Variants in MYH8 observed in about 807,000 individuals in gnomAD.
The protein encoded by MYH8 is myosin heavy chain 8.
In MYH8, 168 loss-of-function variants were observed where a neutral mutation model predicts 233.2. The observed-to-expected ratio is 0.72, with a 90% CI of 0.64 to 0.82. The LOEUF is 0.82. Among genes scored for constraint, MYH8 ranks in the 40% least tolerant of loss-of-function variants. MYH8 has a pLI of 0.00. For missense variants in MYH8, 1,995 were observed against 2,327.8 expected, an observed-to-expected ratio of 0.86 and a Z score of 2.94; for synonymous variants, 785 against 850.6, an observed-to-expected ratio of 0.92 and a Z score of 1.34.
chr17:10,406,747 A>G lies in MYH8; in HGVS notation c.2114T>C (p.Ile705Thr), dbSNP rs770992448. The G allele has an allele frequency of 2.5e-6, 4 of 1,614,190 alleles. No individual in the cohort carries two copies. In the African/African-American group the frequency reaches 4.0e-5, roughly 16 times the overall value. ...QLRCNGVLEGIRICRKGFPSR... is the reference protein window; with the variant it reads ...QLRCNGVLEGTRICRKGFPSR... ...TGGGAATCCTTTCCTACAGATGCGG[A>G]TGCCTTCCAGCACACCATTACACCT... The change falls in exon 19 of 40, where the codon ATC becomes ACC. Residue 705 changes from isoleucine (I) to threonine (T), a missense_variant. Ile to Thr is a moderately conservative substitution (Grantham distance 89, BLOSUM62 -1). Coordinates refer to ENST00000403437, the MANE Select transcript of MYH8 (RefSeq NM_002472.3).
intron 30 of MYH8, 146 bp from the exon 31 acceptor site, chr17:10,397,132 G>A (rs572785257): frequency 2.0e-5 from 20 of 986,604 alleles, no homozygotes; most frequent in South Asian, 4.7e-5. Flanking sequence ...CGCCCATGCT[G>A]GAGTGCAGTG....
chr17:10,408,781 G>A (rs753436626), intron 17 of MYH8, among the ~76,000 whole-genome samples: 72 of 152,168 alleles, frequency 4.7e-4, no homozygotes, highest in African/African-American at 1.6e-3. Flanking sequence ...CATTCAAAGC[G>A]GAATAAGAAT....
At chr17:10,393,344 G>C in intron 35 of MYH8, 134 bp from the exon 36 acceptor site, 1 of 1,264,092 alleles carries the variant, frequency 7.9e-7, no homozygotes, top group Non-Finnish European at 1.1e-6. Flanking sequence ...TTGTTCAGTG[G>C]AAAATGTTAA....
chr17:10,412,044 C>T (rs1179870818), intron 14 of MYH8, among the ~76,000 whole-genome samples: 2 of 152,068 alleles, frequency 1.3e-5, no homozygotes, highest in African/African-American at 2.4e-5. Flanking sequence ...GTCTTATGCA[C>T]CTGTGGGATC....
intron 27 of MYH8, among the ~76,000 whole-genome samples, chr17:10,399,929 C>A (rs2072120478): frequency 6.6e-6 from 1 of 152,158 alleles, no homozygotes; most frequent in African/African-American, 2.4e-5. Context: ...ATAGGCCGGG[C>A]GCGGTGGCTC....
At chr17:10,406,560 A>G in intron 19 of MYH8, 130 bp downstream of exon 19, 1 of 1,350,214 alleles carries the variant, frequency 7.4e-7, no homozygotes, top group Non-Finnish European at 1.1e-6. Context: ...TTTCTGTTGC[A>G]TGCCTGCTTC....
At chr17:10,411,142 C>T (rs770535757) in intron 14 of MYH8, among the ~76,000 whole-genome samples, 195 bp from the exon 15 acceptor site, 6 of 151,984 alleles carry the variant, frequency 3.9e-5, no homozygotes, top group African/African-American at 7.3e-5. Flanking sequence ...TTTGGGAGGC[C>T]GCGGTGGGTG....
At position 10,396,676 on chromosome 17, in the gene MYH8, C is replaced by T. The variant is rs2072081650; in HGVS notation, c.4405G>A (p.Glu1469Lys). 1 of 1,614,088 alleles carries T rather than the reference C, an allele frequency of 6.2e-7. No homozygotes were observed. Among genetic ancestry groups the T allele is most frequent in the South Asian group, 1.1e-5 (1 of 91,090 alleles). The change falls in exon 32 of 40, where the codon GAA becomes AAA. Residue 1469 changes from glutamate (E) to lysine (K), a missense_variant. Physicochemically the swap from Glu to Lys is moderately conservative, Grantham distance 56 (BLOSUM62 1). This residue lies in a region of MYH8 where 1,498 missense variants were observed against 1,680.9 expected (regional missense o/e 0.89). Coordinates refer to ENST00000403437, the MANE Select transcript of MYH8 (RefSeq NM_002472.3). The surrounding 1 kb of genome is among the most constrained non-coding windows in gnomAD (Gnocchi z 4.2). ...WKQKYEETQA[E>K]LEASQKESRS... Reference sequence around the variant, plus strand: ...GACTCCTTCTGGGAGGCCTCAAGTTCAGCCTGAGTTTCCTCATACTTCTGC... The same window carrying T: ...GACTCCTTCTGGGAGGCCTCAAGTTTAGCCTGAGTTTCCTCATACTTCTGC...
At chr17:10,416,921 T>A (rs886807399) in intron 5 of MYH8, among the ~76,000 whole-genome samples, 1 of 152,224 alleles carries the variant, frequency 6.6e-6, no homozygotes, top group Non-Finnish European at 1.5e-5. Flanking sequence ...TAGAAATTGC[T>A]TAGGCCAACT....
Position 10,415,162 on chromosome 17 carries a change from G to T in MYH8, c.759C>A (p.Ile253=), listed in dbSNP as rs1257055929. The part of the protein sequence containing the change: ...NSSRFGKFIR[I]HFGTTGKLAS... ...CCAGCTTCCCTGTAGTACCAAAGTG[G>T]ATTCTAATGAATTTACCCTTGAAAA... Residue 253 remains isoleucine, a synonymous_variant, in exon 9 of 40, where the codon ATC becomes ATA. Coordinates refer to ENST00000403437, the MANE Select transcript of MYH8 (RefSeq NM_002472.3). The surrounding 1 kb of genome is among the most constrained non-coding windows in gnomAD (Gnocchi z 4.1). The T allele has an allele frequency of 1.2e-6, 2 of 1,613,024 alleles. No homozygotes were observed. Among genetic ancestry groups the T allele is most frequent in the Admixed American group, 1.7e-5 (1 of 60,002 alleles).
chr17:10,392,774 A>C (rs1433873619), intron 37 of MYH8, 57 bp downstream of exon 37: 1 of 1,614,006 alleles, frequency 6.2e-7, no homozygotes. Context: ...GGAAGAGAGA[A>C]GGGTAGAGAG....
rs765411689 is a variant in MYH8, at chr17:10,415,987, G to A, written c.512-279C>T. Among the ~76,000 whole-genome samples, 11 of 152,166 alleles carry A rather than the reference G, an allele frequency of 7.2e-5. No homozygotes were observed. The highest frequency in any genetic ancestry group is 1.5e-4 in the Non-Finnish European group (10 of 68,024). ...TTTACCATCTTAACCATTTTTAAGT[G>A]TAGAGATCACTGGCAGTAAGTACAT... On this transcript the variant is annotated intron_variant, in intron 5 of 39. Coordinates refer to ENST00000403437, the MANE Select transcript of MYH8 (RefSeq NM_002472.3). The surrounding 1 kb of genome is among the most constrained non-coding windows in gnomAD (Gnocchi z 4.1).
chr17:10,421,430 A>C (rs914799338), intron 2 of MYH8, among the ~76,000 whole-genome samples: 2 of 152,200 alleles, frequency 1.3e-5, no homozygotes, highest in Non-Finnish European at 2.9e-5. Flanking sequence ...CTCACTGTTG[A>C]AGCTAATTCT....
chr17:10,401,481 C>A, intron 23 of MYH8, 30 bp from the exon 24 acceptor site: 1 of 1,614,038 alleles, frequency 6.2e-7, no homozygotes, highest in African/African-American at 1.3e-5. Flanking sequence ...GATTATTTCT[C>A]CTATAAAGCA....
intron 9 of MYH8, among the ~76,000 whole-genome samples, chr17:10,414,773 T>C (rs1454086994): frequency 1.3e-5 from 2 of 152,178 alleles, no homozygotes; most frequent in African/African-American, 4.8e-5. Context: ...TCACTCTGGG[T>C]GGTGAGGGCC....
chr17:10,404,698 A>G, intron 21 of MYH8, 113 bp from the exon 22 acceptor site: 2 of 1,256,866 alleles, frequency 1.6e-6, no homozygotes, highest in Non-Finnish European at 2.3e-6. Context: ...TAAATATGTC[A>G]CATTCTCTAT....
In MYH8 at chr17:10,409,361, A is replaced by T. The variant is rs151091483; in HGVS notation, c.1815T>A (p.Asn605Lys). The change falls in exon 16 of 40, where the codon AAT becomes AAA. Residue 605 changes from asparagine (N) to lysine (K), a missense_variant. Around this residue, in one of 3 missense-constraint regions of MYH8, gnomAD observed 1,498 missense variants for 1,680.9 expected, o/e 0.89. Coordinates refer to ENST00000403437, the MANE Select transcript of MYH8 (RefSeq NM_002472.3). ...GWLDKNKDPL[N>K]DTVVGLYQKS... The stretch of plus-strand genomic sequence containing the variant: ...TCTGGTACAGCCCAACCACAGTATC[A>T]TTCAGGGGGTCCTTATTTTTGTCCA... The T allele has an allele frequency of 2.4e-4, 392 of 1,614,242 alleles. 3 individuals carry two copies. The East Asian group carries it at 8.0e-3, about 33-fold the overall frequency.
At chr17:10,398,923 A>G (rs2072105552) in intron 28 of MYH8, 37 bp from the exon 29 acceptor site, 1 of 1,498,438 alleles carries the variant, frequency 6.7e-7, no homozygotes, top group Non-Finnish European at 9.2e-7. Flanking sequence ...TTTTACTGGC[A>G]TAAAAATAAG....
chr17:10,393,274 G>A, intron 35 of MYH8, 64 bp from the exon 36 acceptor site: 1 of 1,596,268 alleles, frequency 6.3e-7, no homozygotes, highest in South Asian at 1.1e-5. Context: ...TTTTACAAGT[G>A]TCTTACTTGT....
Sources: gnomAD v4.1 joint callset for allele counts (sites outside exome capture counted in the v4.1 genomes callset) on GRCh38, gnomAD v4.1.1 for gene constraint, gnomAD v4.1.1 regional missense constraint, Gnocchi (gnomAD v3.1) non-coding constraint, MANE v1.5 for transcripts, NCBI Gene and HGNC (gene_info 2026-07-23, HGNC 2026-07-21) for gene names.